EXOC6B: variants seen among roughly 807,000 people sequenced by gnomAD.
EXOC6B encodes SEC15 homolog B.
A neutral mutation model predicts 113.5 loss-of-function variants in EXOC6B; 54 were observed. The ratio of observed to expected loss-of-function variants is 0.48; its 90% CI spans 0.38 to 0.60. EXOC6B has a LOEUF of 0.60. Among genes scored for constraint, EXOC6B ranks in the 20% least tolerant of loss-of-function variants. The probability of loss-of-function intolerance (pLI) is 0.00; values close to 1 mark genes in which losing one functional copy is unlikely to be tolerated. For synonymous variants in EXOC6B, 357 were observed against 339.0 expected, an observed-to-expected ratio of 1.05 and a Z score of -0.58; for missense variants, 797 against 977.5, an observed-to-expected ratio of 0.82 and a Z score of 2.46.
intron 8 of EXOC6B, among the ~76,000 whole-genome samples, chr2:72,543,432 T>C (rs1702725503): frequency 6.6e-6 from 1 of 152,078 alleles, no homozygotes. Context: ...CATGAGATAT[T>C]ATTATTAAAA....
chr2:72,357,169 A>G (rs1243703063), intron 19 of EXOC6B, among the ~76,000 whole-genome samples: 1 of 152,236 alleles, frequency 6.6e-6, no homozygotes, highest in African/African-American at 2.4e-5. Flanking sequence ...ATAGTACAGT[A>G]AGATATTTTG....
At chr2:72,490,812 CT>C (rs1171329386) in intron 16 of EXOC6B, among the ~76,000 whole-genome samples, 2 of 152,156 alleles carry the variant, frequency 1.3e-5, no homozygotes, top group African/African-American at 4.8e-5. Flanking sequence ...TTACGCCTTT[CT>C]CTTAAAATGT....
chr2:72,424,563 C>A (rs1384669686), intron 18 of EXOC6B, among the ~76,000 whole-genome samples: 2 of 152,096 alleles, frequency 1.3e-5, no homozygotes, highest in African/African-American at 4.8e-5. Context: ...TAATAGTTTT[C>A]ATTATCAATT....
intron 6 of EXOC6B, among the ~76,000 whole-genome samples, chr2:72,576,297 G>A (rs1704850214): frequency 6.6e-6 from 1 of 151,966 alleles, no homozygotes; most frequent in Non-Finnish European, 1.5e-5. Flanking sequence ...GGGTTTTAAA[G>A]GGTTTTTTCT....
intron 20 of EXOC6B, among the ~76,000 whole-genome samples, chr2:72,217,075 G>A (rs1384494325): frequency 6.6e-6 from 1 of 151,356 alleles, no homozygotes; most frequent in African/African-American, 2.4e-5. Flanking sequence ...GTATGAGAAG[G>A]TAGCCTGAAC....
At chr2:72,195,353 C>A (rs1679103352) in intron 20 of EXOC6B, among the ~76,000 whole-genome samples, 1 of 152,158 alleles carries the variant, frequency 6.6e-6, no homozygotes, top group African/African-American at 2.4e-5. Flanking sequence ...CTGATAATAA[C>A]CATGTACACA....
At chr2:72,725,447 A>G (rs778137593) in intron 5 of EXOC6B, among the ~76,000 whole-genome samples, 1 of 151,986 alleles carries the variant, frequency 6.6e-6, no homozygotes, top group Admixed American at 6.6e-5. Flanking sequence ...GCTGGAGTGC[A>G]GTGCGCCATC....
At position 72,310,072 on chromosome 2, in the gene EXOC6B, T is replaced by A. The variant is rs116705179; in HGVS notation, c.2196+24875A>T. Among the ~76,000 whole-genome samples, 1,496 of 152,334 alleles carry A rather than the reference T, an allele frequency of 9.8e-3. 25 individuals are homozygous for A. Among genetic ancestry groups the A allele is most frequent in the African/African-American group, 0.034 (1,421 of 41,578 alleles). On this transcript the variant is annotated intron_variant, in intron 20 of 21. Coordinates refer to ENST00000272427, the MANE Select transcript of EXOC6B (RefSeq NM_015189.3). ...ATCTGGCTGGTTTCTACCTTTTGGC[T>A]ATGGTGAACAGCGCTGCTATAAACG...
At chr2:72,293,986 T>C (rs935091988) in intron 20 of EXOC6B, among the ~76,000 whole-genome samples, 2 of 149,176 alleles carry the variant, frequency 1.3e-5, no homozygotes, top group African/African-American at 4.9e-5. Context: ...CAGAGGAAAT[T>C]AAAAAGTAAA....
intron 6 of EXOC6B, among the ~76,000 whole-genome samples, chr2:72,600,298 C>T (rs1014917464): frequency 6.6e-6 from 1 of 151,742 alleles, no homozygotes; most frequent in African/African-American, 2.4e-5. Flanking sequence ...AAAATTAGCC[C>T]AGTGTGGTGG....
At chr2:72,709,382 C>T (rs1679117415) in intron 6 of EXOC6B, among the ~76,000 whole-genome samples, 1 of 152,092 alleles carries the variant, frequency 6.6e-6, no homozygotes, top group South Asian at 2.1e-4. Context: ...AAGATCTATC[C>T]CCCAGGTTGG....
intron 6 of EXOC6B, among the ~76,000 whole-genome samples, chr2:72,696,726 A>C (rs2104613144): frequency 6.6e-6 from 1 of 152,300 alleles, no homozygotes. Flanking sequence ...ACTAACACCA[A>C]CTGCCAGCCA....
intron 6 of EXOC6B, among the ~76,000 whole-genome samples, chr2:72,608,557 C>A (rs1044894358): frequency 2.6e-5 from 4 of 152,128 alleles, no homozygotes; most frequent in Admixed American, 1.3e-4. Context: ...AGATTCTTTA[C>A]AATTTCTTTT....
At position 72,672,170 on chromosome 2, in the gene EXOC6B, G is replaced by A. The variant is rs148279697; in HGVS notation, c.669+45933C>T. Among the ~76,000 whole-genome samples, 324 of 141,848 alleles carry A rather than the reference G, an allele frequency of 2.3e-3. No homozygotes were observed. In the Middle Eastern group the frequency reaches 0.035, roughly 15 times the overall value. 93.1% of individuals were successfully genotyped at this position (141,848 alleles called of 152,430 possible). ...AAAACTAAGAACAGAACTACCATAT[G>A]AGCCAGCAATTCGACTACTGGGTAT... is the stretch of plus-strand genomic sequence containing the variant. On this transcript the variant is annotated intron_variant, in intron 6 of 21. Coordinates refer to ENST00000272427, the MANE Select transcript of EXOC6B (RefSeq NM_015189.3).
At chr2:72,541,052 C>T (rs1277070604) in intron 8 of EXOC6B, among the ~76,000 whole-genome samples, 3 of 152,110 alleles carry the variant, frequency 2.0e-5, no homozygotes. Context: ...TCCAGAATTC[C>T]CACCTTTTGT....
chr2:72,630,094 A>G (rs1033687796), intron 6 of EXOC6B, among the ~76,000 whole-genome samples: 1 of 152,220 alleles, frequency 6.6e-6, no homozygotes, highest in African/African-American at 2.4e-5. Flanking sequence ...CCAAGCCTCA[A>G]GCAGCCAACC....
intron 20 of EXOC6B, among the ~76,000 whole-genome samples, chr2:72,291,573 C>G (rs1685794910): frequency 6.6e-6 from 1 of 152,170 alleles, no homozygotes; most frequent in Non-Finnish European, 1.5e-5. Flanking sequence ...TGTAATTTTC[C>G]TAACTGATGT....
chr2:72,281,142 C>G (rs1462273285), intron 20 of EXOC6B, among the ~76,000 whole-genome samples: 1 of 152,180 alleles, frequency 6.6e-6, no homozygotes, highest in Non-Finnish European at 1.5e-5. Context: ...AAAATGTAGA[C>G]TGAACCTTCG....
intron 20 of EXOC6B, among the ~76,000 whole-genome samples, chr2:72,319,899 G>T (rs529178163): frequency 1.3e-5 from 2 of 151,748 alleles, no homozygotes; most frequent in East Asian, 3.9e-4. Flanking sequence ...GCAGTGGTGC[G>T]ATCTCAGCCC....
Sources: allele counts gnomAD v4.1 joint callset (sites outside exome capture counted in the v4.1 genomes callset), GRCh38; gene constraint gnomAD v4.1.1; transcripts MANE v1.5; gene names NCBI Gene and HGNC (gene_info 2026-07-23, HGNC 2026-07-21).